Variants in OTUD7A observed in about 807,000 individuals in gnomAD.
OTUD7A encodes OTU domain-containing protein 7A.
OTUD7A carries 12 observed loss-of-function variants against 65.7 expected under a neutral mutation model. The ratio of observed to expected loss-of-function variants is 0.18; its 90% CI spans 0.12 to 0.30. The LOEUF (loss-of-function observed/expected upper bound fraction) is 0.30, where lower values mean the gene tolerates loss of function less well. Among genes scored for constraint, OTUD7A ranks in the 10% least tolerant of loss-of-function variants. The pLI is 1.00. For synonymous variants in OTUD7A, 641 were observed against 586.3 expected, an observed-to-expected ratio of 1.09 and a Z score of -1.35; for missense variants, 1,148 against 1,304.8, an observed-to-expected ratio of 0.88 and a Z score of 1.85.
Position 31,487,478 on chromosome 15 carries a change from G to A in OTUD7A, c.1260C>T (p.Asp420=), listed in dbSNP as rs200079505. 5.7e-5 allele frequency: 92 copies of A among 1,614,038 alleles called. No individual in the cohort carries two copies. Among genetic ancestry groups the A allele is most frequent in the Middle Eastern group, 1.6e-4 (1 of 6,062 alleles). ...DPGKDWEWGK[D]DNDNARLAHL... ...GGGCCAGCCGGGCGTTATCGTTGTCGTCTTTCCCCCACTCCCAGTCCTTGC... is the reference window on the plus strand; with the variant it reads ...GGGCCAGCCGGGCGTTATCGTTGTCATCTTTCCCCCACTCCCAGTCCTTGC... Residue 420 remains aspartate (D), a synonymous_variant, in exon 11 of 13, where the codon GAC becomes GAT. Coordinates refer to ENST00000307050, the MANE Select transcript of OTUD7A (RefSeq NM_001382637.1). The surrounding 1 kb of genome is among the most constrained non-coding windows in gnomAD (Gnocchi z 6.0).
chr15:31,565,012 AC>A (rs1452209003), intron 4 of OTUD7A, among the ~76,000 whole-genome samples: 1 of 152,204 alleles, frequency 6.6e-6, no homozygotes, highest in Non-Finnish European at 1.5e-5. Flanking sequence ...TTATGAATAT[AC>A]ATATACCTAA....
chr15:31,514,053 CTTTCTT>C (rs1420881555), intron 8 of OTUD7A, among the ~76,000 whole-genome samples: 29 of 45,410 alleles, frequency 6.4e-4, no homozygotes, highest in East Asian at 5.7e-3. Context: ...TTCTTTCTTT[CTTTCTT>C]TTTTTTTTTT....
At chr15:31,666,241 T>C (rs1009971430) in intron 1 of OTUD7A, among the ~76,000 whole-genome samples, 5 of 152,026 alleles carry the variant, frequency 3.3e-5, no homozygotes, top group Admixed American at 2.6e-4. Flanking sequence ...TGTGAATCCA[T>C]CTGGTCCTGG....
intron 6 of OTUD7A, among the ~76,000 whole-genome samples, chr15:31,529,689 G>A (rs1158154180): frequency 2.0e-5 from 3 of 152,160 alleles, no homozygotes; most frequent in African/African-American, 7.2e-5. Flanking sequence ...TATTTCCCTT[G>A]AAGCCCTTTA....
chr15:31,700,543 C>T (rs948090709), intron 1 of OTUD7A, among the ~76,000 whole-genome samples: 3 of 152,344 alleles, frequency 2.0e-5, no homozygotes, highest in Admixed American at 6.5e-5. Context: ...GTGAATCAGT[C>T]TTTCTCTTTT....
At chr15:31,733,378 G>A (rs1231270144) in intron 1 of OTUD7A, among the ~76,000 whole-genome samples, 1 of 152,174 alleles carries the variant, frequency 6.6e-6, no homozygotes, top group Non-Finnish European at 1.5e-5. Flanking sequence ...CTGAGCAACT[G>A]TAGGATTTGT....
intron 8 of OTUD7A, among the ~76,000 whole-genome samples, chr15:31,504,543 C>T (rs570827812): frequency 6.6e-6 from 1 of 152,312 alleles, no homozygotes; most frequent in East Asian, 1.9e-4. Context: ...GGGAGGTGCA[C>T]GTTGAGAGGA....
chr15:31,719,223 G>A lies in OTUD7A; in HGVS notation c.-99-62146C>T, dbSNP rs191479489. 1.6e-4 allele frequency among the ~76,000 whole-genome samples: 25 copies of A among 152,212 alleles called. No individual in the cohort carries two copies. The East Asian group carries it at 3.3e-3, about 20-fold the overall frequency. Reference sequence around the variant, plus strand: ...CTCCCAAAGTGCTGGGATCACAGGCGTGCACCACCATTGCTCGCCCATGCA... The same window carrying A: ...CTCCCAAAGTGCTGGGATCACAGGCATGCACCACCATTGCTCGCCCATGCA... On this transcript the variant is annotated intron_variant, in intron 1 of 12. Transcript: ENST00000307050.
intron 1 of OTUD7A, among the ~76,000 whole-genome samples, chr15:31,791,487 G>T (rs1283768283): frequency 2.0e-5 from 3 of 152,100 alleles, no homozygotes; most frequent in African/African-American, 7.2e-5. Flanking sequence ...GAGTAGGAGG[G>T]TCAATGAAAT....
chr15:31,841,423 C>T (rs571724811), intron 1 of OTUD7A, among the ~76,000 whole-genome samples: 7 of 152,152 alleles, frequency 4.6e-5, no homozygotes, highest in Admixed American at 1.3e-4. Context: ...AAGGAAGCCT[C>T]GAGGACACAT....
At chr15:31,669,422 G>C (rs1359695451) in intron 1 of OTUD7A, among the ~76,000 whole-genome samples, 1 of 152,158 alleles carries the variant, frequency 6.6e-6, no homozygotes, top group African/African-American at 2.4e-5. Flanking sequence ...GGCTGTCAGG[G>C]AAGTGAGGGA....
At chr15:31,809,826 A>G (rs377460610) in intron 1 of OTUD7A, among the ~76,000 whole-genome samples, 3 of 152,334 alleles carry the variant, frequency 2.0e-5, no homozygotes, top group African/African-American at 7.2e-5. Context: ...ACACAAACAA[A>G]AGCACTTTAT....
intron 5 of OTUD7A, among the ~76,000 whole-genome samples, 177 bp from the exon 6 acceptor site, chr15:31,530,985 C>G (rs919482644): frequency 6.6e-6 from 1 of 152,194 alleles, no homozygotes; most frequent in African/African-American, 2.4e-5. Flanking sequence ...CCTTTGAGGA[C>G]AAGAAGTGGC....
chr15:31,578,713 A>T (rs1050841419), intron 3 of OTUD7A, among the ~76,000 whole-genome samples: 2 of 152,108 alleles, frequency 1.3e-5, no homozygotes, highest in Admixed American at 1.3e-4. Context: ...CACTACGCCC[A>T]GCTACTTTTT....
chr15:31,647,043 AT>A (rs1037436709), intron 3 of OTUD7A, among the ~76,000 whole-genome samples: 2 of 152,004 alleles, frequency 1.3e-5, no homozygotes, highest in Admixed American at 6.5e-5. Flanking sequence ...GTTTATTTTT[AT>A]TTTTTTTGAC....
intron 1 of OTUD7A, among the ~76,000 whole-genome samples, chr15:31,779,474 A>G (rs572773148): frequency 4.5e-4 from 69 of 152,342 alleles, no homozygotes; most frequent in African/African-American, 1.7e-3. Flanking sequence ...GGAGCAAATT[A>G]TTTCATATAA....
chr15:31,622,681 GT>G (rs1364138773), intron 3 of OTUD7A, among the ~76,000 whole-genome samples: 1 of 152,126 alleles, frequency 6.6e-6, no homozygotes, highest in Non-Finnish European at 1.5e-5. Context: ...TTTTTTCAAG[GT>G]TTTTAACTTC....
intron 3 of OTUD7A, among the ~76,000 whole-genome samples, chr15:31,596,743 C>T (rs965746142): frequency 6.6e-6 from 1 of 151,926 alleles, no homozygotes; most frequent in African/African-American, 2.4e-5. Flanking sequence ...TGAAAATTTC[C>T]TCATGTGCTT....
In OTUD7A at chr15:31,483,629, C is replaced by T; in HGVS notation, c.2467G>A (p.Ala823Thr). Reference protein sequence around the residue: ...SQSYSPARAAALRTVNTVESL... With the variant: ...SQSYSPARAATLRTVNTVESL... ...TCGACCGTGTTGACGGTGCGCAGGGCGGCGGCGCGCGCCGGGCTGTAGCTC... is the reference window on the plus strand; with the variant it reads ...TCGACCGTGTTGACGGTGCGCAGGGTGGCGGCGCGCGCCGGGCTGTAGCTC... Residue 823 changes from alanine to threonine, a missense_variant, in exon 13 of 13, where the codon GCC becomes ACC. Coordinates refer to ENST00000307050, the MANE Select transcript of OTUD7A (RefSeq NM_001382637.1). The T allele has an allele frequency of 4.2e-6, 5 of 1,181,552 alleles. No individual in the cohort carries two copies. The highest frequency in any genetic ancestry group is 4.2e-6 in the Non-Finnish European group (4 of 958,468). 73.2% of individuals were successfully genotyped at this position (1,181,552 alleles called of 1,614,324 possible).
Sources: allele counts gnomAD v4.1 joint callset (sites outside exome capture counted in the v4.1 genomes callset), GRCh38; gene constraint gnomAD v4.1.1; non-coding constraint Gnocchi (gnomAD v3.1); transcripts MANE v1.5; gene names NCBI Gene and HGNC (gene_info 2026-07-23, HGNC 2026-07-21).